CHST8: variants seen among roughly 807,000 people sequenced by gnomAD.
CHST8 encodes the protein GALNAC-4-ST1.
In CHST8, 10 loss-of-function variants were observed where a neutral mutation model predicts 15.0. The observed-to-expected ratio is 0.67, with a 90% confidence interval of 0.41 to 1.13. The LOEUF (loss-of-function observed/expected upper bound fraction) is 1.13, where lower values mean the gene tolerates loss of function less well. Among genes scored for constraint, CHST8 ranks in the 50% most tolerant of loss-of-function variants. The pLI, the probability that CHST8 is intolerant of heterozygous loss-of-function variation, is 0.00. For synonymous variants in CHST8, 259 were observed against 256.6 expected (o/e 1.01, Z -0.09); for missense variants, 634 against 608.2 (o/e 1.04, Z -0.45).
intron 3 of CHST8, among the ~76,000 whole-genome samples, chr19:33,724,329 T>A (rs1321766508): frequency 3.9e-5 from 6 of 152,008 alleles, no homozygotes; most frequent in African/African-American, 1.2e-4. Context: ...AAGGGGAAGG[T>A]GCTGGGCGAG....
At chr19:33,650,076 G>C (rs1972414621) in intron 1 of CHST8, among the ~76,000 whole-genome samples, 1 of 152,180 alleles carries the variant, frequency 6.6e-6, no homozygotes, top group Admixed American at 6.5e-5. Context: ...AGTCTGTTCT[G>C]TGAGTCTTAT....
intron 1 of CHST8, among the ~76,000 whole-genome samples, chr19:33,640,175 T>C (rs958480782): frequency 2.0e-5 from 3 of 152,216 alleles, no homozygotes; most frequent in Admixed American, 6.5e-5. Flanking sequence ...TTTATGACCC[T>C]AATGTCAGAA....
chr19:33,743,662 T>G (rs2145344598), intron 3 of CHST8, among the ~76,000 whole-genome samples: 1 of 152,284 alleles, frequency 6.6e-6, no homozygotes, highest in Non-Finnish European at 1.5e-5. Context: ...TGCACGTATC[T>G]GAGAGCCATC....
At chr19:33,634,594 C>G (rs1284822637) in intron 1 of CHST8, among the ~76,000 whole-genome samples, 2 of 150,192 alleles carry the variant, frequency 1.3e-5, no homozygotes, top group African/African-American at 4.9e-5. Flanking sequence ...GGTGCTGAGC[C>G]CTGGCCCAGC....
chr19:33,747,797 C>A (rs1974342323), intron 3 of CHST8, among the ~76,000 whole-genome samples: 1 of 152,038 alleles, frequency 6.6e-6, no homozygotes, highest in Admixed American at 6.6e-5. Flanking sequence ...TGTTTCATGA[C>A]AAAAAACAAG....
chr19:33,687,296 G>C (rs191437880), intron 2 of CHST8, among the ~76,000 whole-genome samples: 1 of 152,362 alleles, frequency 6.6e-6, no homozygotes. Flanking sequence ...GCCTCATCCA[G>C]GGCAGCCATG....
intron 3 of CHST8, among the ~76,000 whole-genome samples, chr19:33,740,885 C>T (rs1372839317): frequency 6.6e-6 from 1 of 152,190 alleles, no homozygotes. Context: ...CAGAACCTCA[C>T]GGGTTATCCA....
At chr19:33,748,525 G>A (rs1202434834) in intron 3 of CHST8, among the ~76,000 whole-genome samples, 1 of 152,234 alleles carries the variant, frequency 6.6e-6, no homozygotes, top group Non-Finnish European at 1.5e-5. Context: ...CTTCTGCTGG[G>A]GTCCCAGCTG....
intron 3 of CHST8, among the ~76,000 whole-genome samples, chr19:33,751,475 C>T (rs755946562): frequency 3.3e-5 from 5 of 152,236 alleles, no homozygotes; most frequent in Admixed American, 6.5e-5. Context: ...TCAAGCAGCC[C>T]CCATCAGGCA....
chr19:33,735,358 A>G (rs114232363), intron 3 of CHST8, among the ~76,000 whole-genome samples: 1,649 of 152,328 alleles, frequency 0.011, 18 homozygotes, highest in African/African-American at 0.026. Context: ...AAGCCGTCAA[A>G]TGCACCCCTG....
chr19:33,639,478 C>T (rs146134223), intron 1 of CHST8, among the ~76,000 whole-genome samples: 3 of 152,014 alleles, frequency 2.0e-5, no homozygotes, highest in Non-Finnish European at 2.9e-5. Flanking sequence ...GCCTGATGCA[C>T]GCAGCAAGTC....
intron 3 of CHST8, among the ~76,000 whole-genome samples, chr19:33,749,891 G>A (rs151089889): frequency 2.2e-4 from 34 of 152,346 alleles, no homozygotes; most frequent in South Asian, 8.3e-4. Flanking sequence ...GGTCCGGGTC[G>A]TGGCCCTCAT....
At chr19:33,757,538 A>G (rs377132731) in intron 3 of CHST8, among the ~76,000 whole-genome samples, 838 of 72,468 alleles carry the variant, frequency 0.012, 116 homozygotes, top group Non-Finnish European at 0.015. Flanking sequence ...GAAAGAAAGA[A>G]AGAAAGAAAG....
At chr19:33,654,802 G>T (rs1249094245) in intron 1 of CHST8, among the ~76,000 whole-genome samples, 2 of 152,080 alleles carry the variant, frequency 1.3e-5, no homozygotes, top group Non-Finnish European at 2.9e-5. Context: ...CTCATCTTAT[G>T]AGGGCCCTGA....
chr19:33,631,258 G>A (rs959623416), intron 1 of CHST8, among the ~76,000 whole-genome samples: 9 of 152,190 alleles, frequency 5.9e-5, no homozygotes, highest in Non-Finnish European at 1.2e-4. Context: ...TCTTTCTCCC[G>A]GGAATATTCC....
chr19:33,639,908 C>T (rs939147615), intron 1 of CHST8, among the ~76,000 whole-genome samples: 25 of 150,598 alleles, frequency 1.7e-4, no homozygotes, highest in Non-Finnish European at 3.5e-4. Flanking sequence ...GGCGCGATCT[C>T]GGCTTACTGC....
At chr19:33,716,850 CTG>C (rs1256255757) in intron 3 of CHST8, among the ~76,000 whole-genome samples, 1 of 152,186 alleles carries the variant, frequency 6.6e-6, no homozygotes, top group Admixed American at 6.5e-5. Flanking sequence ...GGCCAGGAGT[CTG>C]AGATCAAGGC....
intron 1 of CHST8, among the ~76,000 whole-genome samples, chr19:33,635,613 G>A (rs973826996): frequency 3.9e-5 from 6 of 152,114 alleles, no homozygotes; most frequent in Admixed American, 3.3e-4. Context: ...GATGGGTGGG[G>A]GGGTGACAAC....
chr19:33,641,607 G>A (rs968609722), intron 1 of CHST8, among the ~76,000 whole-genome samples: 3 of 152,194 alleles, frequency 2.0e-5, no homozygotes, highest in African/African-American at 7.2e-5. Context: ...GGAAGAAGGG[G>A]GCTGGTAAAG....
Sources: allele counts gnomAD v4.1 joint callset (sites outside exome capture counted in the v4.1 genomes callset), GRCh38; gene constraint gnomAD v4.1.1; transcripts MANE v1.5; gene names NCBI Gene and HGNC (gene_info 2026-07-23, HGNC 2026-07-21).